DLG2: variants seen among roughly 807,000 people sequenced by gnomAD.
DLG2 encodes the protein discs large MAGUK scaffold protein 2, also known as disks large homolog 2.
In DLG2, 45 loss-of-function variants were observed where a neutral mutation model predicts 132.5. That is an observed-to-expected ratio of 0.34 (90% CI 0.27 to 0.44). The LOEUF (loss-of-function observed/expected upper bound fraction) is 0.44, where lower values mean the gene tolerates loss of function less well. Ranked by LOEUF, DLG2 falls within the 20% of genes least tolerant of loss-of-function variation. The pLI is 1.00. For synonymous variants in DLG2, 424 were observed against 419.6 expected, an observed-to-expected ratio of 1.01 and a Z score of -0.13; for missense variants, 1,045 against 1,196.9, an observed-to-expected ratio of 0.87 and a Z score of 1.87.
chr11:84,045,507 T>C (rs2096222343), intron 11 of DLG2, among the ~76,000 whole-genome samples: 1 of 151,756 alleles, frequency 6.6e-6, no homozygotes, highest in Non-Finnish European at 1.5e-5. Context: ...TGAAATAATA[T>C]TCAATTGTCT....
rs563513299 is a variant in DLG2, at chr11:83,483,558, A to T, written c.2293+571T>A. ...AGAAAAAAAAATTCAGCAAATGCCA[A>T]TTTTTTGACCATGGTCAATCACGTT... On this transcript the variant is annotated intron_variant, in intron 22 of 27. Transcript: ENST00000376104. 9.4e-4 allele frequency among the ~76,000 whole-genome samples: 143 copies of T among 152,254 alleles called. 2 individuals carry two copies. Among genetic ancestry groups the T allele is most frequent in the South Asian group, 8.9e-3 (43 of 4,834 alleles).
At chr11:84,923,330 T>C in intron 6 of DLG2, 5 of 1,283,676 alleles carry the variant, frequency 3.9e-6, no homozygotes, top group Non-Finnish European at 4.9e-6. Flanking sequence ...ATATATAGCA[T>C]TATGCCCAGT....
rs1565420572 is a variant in DLG2 at position 84,600,234 on chromosome 11, GA to G, written c.358-65504del. 2.1e-3 allele frequency among the ~76,000 whole-genome samples: 228 copies of G among 107,330 alleles called. 5 individuals are homozygous for G. Among genetic ancestry groups the G allele is most frequent in the African/African-American group, 6.3e-3 (117 of 18,692 alleles). The allele number at this position is 107,330 out of a possible 152,430, so 70.4% of individuals were successfully genotyped here. A position where few individuals can be genotyped will look rare whatever the true frequency, so the allele number is the denominator to read the frequency against. On this transcript the variant is annotated intron_variant, in intron 6 of 27. Coordinates refer to ENST00000376104, the MANE Select transcript of DLG2 (RefSeq NM_001142699.3). ...AAAGAAAGAAAGAAAGAGAAAGAAA[GA>G]CAGAAAAGCAAGCAAGCAAGCAGGC...
chr11:85,431,952 A>T (rs1030828446), intron 3 of DLG2, among the ~76,000 whole-genome samples: 3 of 152,202 alleles, frequency 2.0e-5, no homozygotes, highest in Admixed American at 1.3e-4. Flanking sequence ...AGGAACCCAG[A>T]GGAAGGAGCA....
At chr11:83,967,066 A>G (rs1014323588) in intron 12 of DLG2, among the ~76,000 whole-genome samples, 3 of 152,138 alleles carry the variant, frequency 2.0e-5, no homozygotes, top group East Asian at 3.9e-4. Flanking sequence ...AAATGGCAGG[A>G]TCTCCCATTT....
intron 4 of DLG2, among the ~76,000 whole-genome samples, chr11:85,213,111 A>G (rs2082352704): frequency 6.6e-6 from 1 of 152,234 alleles, no homozygotes; most frequent in Non-Finnish European, 1.5e-5. Context: ...AGATAAATGT[A>G]GAAACATTAG....
At chr11:84,624,374 A>G (rs976912965) in intron 6 of DLG2, among the ~76,000 whole-genome samples, 19 of 152,194 alleles carry the variant, frequency 1.2e-4, no homozygotes, top group African/African-American at 4.1e-4. Context: ...CTTTATTTCA[A>G]TAACTAAATT....
intron 18 of DLG2, among the ~76,000 whole-genome samples, chr11:83,656,767 T>C (rs1345610222): frequency 6.6e-6 from 1 of 152,210 alleles, no homozygotes; most frequent in Non-Finnish European, 1.5e-5. Flanking sequence ...AAAATATTAA[T>C]ATGTGAAACT....
chr11:83,667,613 T>C (rs1330081338), intron 18 of DLG2, among the ~76,000 whole-genome samples: 2 of 152,144 alleles, frequency 1.3e-5, no homozygotes, highest in Non-Finnish European at 2.9e-5. Context: ...CTAAGGAAAT[T>C]AGTGATGTTC....
intron 7 of DLG2, among the ~76,000 whole-genome samples, chr11:84,307,711 A>AAAAAAAAAAAAAAAAAAAAGAAAAAG (rs1567239166): frequency 6.6e-6 from 1 of 150,880 alleles, no homozygotes; most frequent in African/African-American, 2.4e-5. Context: ...AAAAAAAAAA[A>AAAAAAAAAAAAAAAAAAAAGAAAAAG]AAAAAGAAGC....
intron 4 of DLG2, among the ~76,000 whole-genome samples, chr11:85,156,244 TG>T: frequency 6.6e-6 from 1 of 152,170 alleles, no homozygotes; most frequent in Admixed American, 6.5e-5. Flanking sequence ...TAAATGTATA[TG>T]TATATATATG....
chr11:85,287,122 C>A (rs534989344), intron 3 of DLG2, among the ~76,000 whole-genome samples: 18 of 152,140 alleles, frequency 1.2e-4, no homozygotes, highest in African/African-American at 4.3e-4. Flanking sequence ...CTTTATTGTG[C>A]TTATAGTGCA....
intron 9 of DLG2, among the ~76,000 whole-genome samples, chr11:84,136,770 T>C (rs116768106): frequency 6.6e-6 from 1 of 152,278 alleles, no homozygotes; most frequent in African/African-American, 2.4e-5. Context: ...AAGTAGATAA[T>C]AGTACTTTGT....
chr11:85,523,433 C>T lies in DLG2; in HGVS notation c.40+75224G>A, dbSNP rs184038672. On this transcript the variant is annotated intron_variant, in intron 3 of 27. Transcript: ENST00000376104. ...AAAATGGGAAAAAGATCTAAACAGA[C>T]ATTTCTCAAAAGAAGACATACAAAT... 1.3e-4 allele frequency among the ~76,000 whole-genome samples: 20 copies of T among 152,286 alleles called. 1 individual carries two copies. Among genetic ancestry groups the T allele is most frequent in the African/African-American group, 4.1e-4 (17 of 41,550 alleles).
chr11:83,624,381 A>G (rs2062130614), intron 19 of DLG2, among the ~76,000 whole-genome samples: 1 of 152,250 alleles, frequency 6.6e-6, no homozygotes, highest in South Asian at 2.1e-4. Context: ...TCCCAGATCC[A>G]CAATGACTCC....
At chr11:85,088,052 G>A (rs1026480389) in intron 6 of DLG2, among the ~76,000 whole-genome samples, 1 of 152,120 alleles carries the variant, frequency 6.6e-6, no homozygotes, top group Admixed American at 6.6e-5. Context: ...AAGTGATCAA[G>A]TTAAAATGCT....
chr11:85,483,062 G>C (rs1202416546), intron 3 of DLG2, among the ~76,000 whole-genome samples: 1 of 152,152 alleles, frequency 6.6e-6, no homozygotes, highest in Non-Finnish European at 1.5e-5. Flanking sequence ...TTTGGAGAAA[G>C]ATATAAATAT....
intron 7 of DLG2, among the ~76,000 whole-genome samples, chr11:84,498,227 G>A (rs572475485): frequency 6.6e-6 from 1 of 152,298 alleles, no homozygotes; most frequent in South Asian, 2.1e-4. Flanking sequence ...TAAATTCTCA[G>A]AAATGCCTAC....
intron 6 of DLG2, among the ~76,000 whole-genome samples, chr11:84,879,146 T>C (rs1198891307): frequency 7.9e-5 from 12 of 152,162 alleles, no homozygotes; most frequent in Admixed American, 1.3e-4. Flanking sequence ...CTAGTTGTAA[T>C]GGCCAGGAGC....
Sources: allele counts gnomAD v4.1 joint callset (sites outside exome capture counted in the v4.1 genomes callset), GRCh38; gene constraint gnomAD v4.1.1; transcripts MANE v1.5; gene names NCBI Gene and HGNC (gene_info 2026-07-23, HGNC 2026-07-21).